Variants in CCDC150 observed in about 807,000 individuals in gnomAD.
CCDC150 encodes coiled-coil domain-containing protein 150.
A neutral mutation model predicts 156.5 loss-of-function variants in CCDC150; 151 were observed. That is an observed-to-expected ratio of 0.97 (90% CI 0.85 to 1.10). The LOEUF (loss-of-function observed/expected upper bound fraction) is 1.10. Ranked by LOEUF, CCDC150 falls within the 50% of genes least tolerant of loss-of-function variation. CCDC150 has a pLI of 0.00. For missense variants in CCDC150, 1,312 were observed against 1,268.1 expected (o/e 1.03, Z -0.53); for synonymous variants, 452 against 429.4 (o/e 1.05, Z -0.65).
intron 17 of CCDC150, among the ~76,000 whole-genome samples, chr2:196,717,901 AAGC>A (rs1283375295): frequency 7.2e-6 from 1 of 138,828 alleles, no homozygotes; most frequent in Non-Finnish European, 1.6e-5. Context: ...AAAAAAAAAA[AAGC>A]AGGATGAAGG....
chr2:196,731,964 G>A, intron 26 of CCDC150, 69 bp from the exon 27 acceptor site: 2 of 1,482,334 alleles, frequency 1.3e-6, no homozygotes, highest in Non-Finnish European at 1.8e-6. Context: ...AAAAATCTCT[G>A]CAACTAATAC....
intron 2 of CCDC150, among the ~76,000 whole-genome samples, chr2:196,648,081 A>G (rs1293864947): frequency 2.0e-5 from 3 of 152,164 alleles, no homozygotes; most frequent in Non-Finnish European, 4.4e-5. Flanking sequence ...GCTATTGTGA[A>G]TAGTGCTACA....
Position 196,712,385 on chromosome 2 carries a change from CT to C in CCDC150, c.1803+140del, listed in dbSNP as rs1457256988. 7 of 584,680 alleles carry C rather than the reference CT, an allele frequency of 1.2e-5. No individual in the cohort carries two copies. In the East Asian group the frequency reaches 1.4e-4, roughly 12 times the overall value. The allele number at this position is 584,680 out of a possible 1,614,324, so 36.2% of individuals were successfully genotyped here. ...CTGTCACTTGACTCAGTTTAACAAA[CT>C]TTTTTTCAAGCACCTAGTACATACA... is the stretch of plus-strand genomic sequence containing the variant. On this transcript the variant is annotated intron_variant, in intron 16 of 27. Transcript: ENST00000389175.
At chr2:196,715,322 A>T (rs1468770325) in intron 17 of CCDC150, among the ~76,000 whole-genome samples, 1 of 152,164 alleles carries the variant, frequency 6.6e-6, no homozygotes, top group Non-Finnish European at 1.5e-5. Context: ...AGATATATAT[A>T]TATTATTAGG....
rs374873583 is a variant in CCDC150, at chr2:196,644,007, G to A, written c.13-2334G>A. On this transcript the variant is annotated intron_variant, in intron 1 of 27. Coordinates refer to ENST00000389175, the MANE Select transcript of CCDC150 (RefSeq NM_001080539.2). Reference sequence around the variant, plus strand: ...AGACACTGGTGATCCTTGGCTCTTCGTTTATATTTGAGAGTGAGCTGCTGC... The same window carrying A: ...AGACACTGGTGATCCTTGGCTCTTCATTTATATTTGAGAGTGAGCTGCTGC... 8.0e-4 allele frequency among the ~76,000 whole-genome samples: 122 copies of A among 152,216 alleles called. 1 individual carries two copies. The South Asian group carries it at 0.024, about 30-fold the overall frequency.
At chr2:196,692,784 G>A (rs989035424) in intron 13 of CCDC150, among the ~76,000 whole-genome samples, 12 of 152,176 alleles carry the variant, frequency 7.9e-5, no homozygotes, top group Non-Finnish European at 1.3e-4. Context: ...GCAATGAGAA[G>A]AATGTATATT....
At chr2:196,669,204 T>G (rs1360976698) in intron 7 of CCDC150, among the ~76,000 whole-genome samples, 1 of 152,160 alleles carries the variant, frequency 6.6e-6, no homozygotes, top group Non-Finnish European at 1.5e-5. Flanking sequence ...ATATCTACAT[T>G]TGGATGCCTT....
At chr2:196,707,742 T>A (rs1055355022) in intron 15 of CCDC150, among the ~76,000 whole-genome samples, 5 of 152,324 alleles carry the variant, frequency 3.3e-5, no homozygotes, top group Admixed American at 1.3e-4. Flanking sequence ...AGAACATCTT[T>A]ATTTCTGCCT....
intron 1 of CCDC150, among the ~76,000 whole-genome samples, chr2:196,644,157 C>G (rs537678356): frequency 7.2e-5 from 11 of 152,198 alleles, no homozygotes; most frequent in African/African-American, 2.6e-4. Flanking sequence ...AACTTCTGCC[C>G]AAAGTCTCTT....
intron 13 of CCDC150, among the ~76,000 whole-genome samples, chr2:196,679,882 C>T (rs562994472): frequency 2.6e-5 from 4 of 152,270 alleles, no homozygotes; most frequent in African/African-American, 9.6e-5. Context: ...AGCTTCTTTT[C>T]ATGCACTTAT....
intron 2 of CCDC150, among the ~76,000 whole-genome samples, chr2:196,648,987 A>AT (rs1692713872): frequency 6.6e-6 from 1 of 152,132 alleles, no homozygotes; most frequent in Admixed American, 6.5e-5. Context: ...ATTCTATTTC[A>AT]TTGGACAATG....
intron 14 of CCDC150, 69 bp downstream of exon 14, chr2:196,695,228 G>C (rs780586968): frequency 2.6e-6 from 2 of 764,842 alleles, no homozygotes; most frequent in Non-Finnish European, 4.4e-6. Flanking sequence ...AACAACCAGA[G>C]GTCAGGAGAT....
At chr2:196,724,683 A>G (rs1167221503) in intron 21 of CCDC150, among the ~76,000 whole-genome samples, 1 of 152,212 alleles carries the variant, frequency 6.6e-6, no homozygotes, top group Non-Finnish European at 1.5e-5. Context: ...TCCAAAACTT[A>G]TAGTCTTAAT....
At chr2:196,723,726 A>G (rs1406877765) in intron 21 of CCDC150, among the ~76,000 whole-genome samples, 1 of 152,200 alleles carries the variant, frequency 6.6e-6, no homozygotes, top group Non-Finnish European at 1.5e-5. Context: ...CAGATGCTGC[A>G]GAGTCAAAGA....
chr2:196,664,657 C>T (rs1207006270), intron 5 of CCDC150, among the ~76,000 whole-genome samples: 2 of 152,174 alleles, frequency 1.3e-5, no homozygotes, highest in Non-Finnish European at 2.9e-5. Flanking sequence ...ATCAACTTAC[C>T]TTTCAGCCCT....
chr2:196,710,294 G>A (rs1404671978), intron 15 of CCDC150, among the ~76,000 whole-genome samples: 3 of 152,258 alleles, frequency 2.0e-5, no homozygotes, highest in African/African-American at 7.2e-5. Flanking sequence ...GTGGGCATAG[G>A]ACCCGCCAAG....
chr2:196,641,522 T>G (rs1692230193), intron 1 of CCDC150, among the ~76,000 whole-genome samples: 1 of 152,208 alleles, frequency 6.6e-6, no homozygotes, highest in Admixed American at 6.5e-5. Context: ...ATCTGCCCTG[T>G]AGCCTCCATA....
chr2:196,701,874 T>C (rs1254154630), intron 15 of CCDC150, among the ~76,000 whole-genome samples: 1 of 152,164 alleles, frequency 6.6e-6, no homozygotes, highest in African/African-American at 2.4e-5. Context: ...GATGGGATGG[T>C]TGGTGTATGC....
At chr2:196,657,170 C>G in intron 4 of CCDC150, 34 bp downstream of exon 4, 7 of 1,594,336 alleles carry the variant, frequency 4.4e-6, no homozygotes, top group Non-Finnish European at 6.0e-6. Context: ...TATAAACACA[C>G]TGTTATGTGT....
Sources: allele counts gnomAD v4.1 joint callset (sites outside exome capture counted in the v4.1 genomes callset), GRCh38; gene constraint gnomAD v4.1.1; transcripts MANE v1.5; gene names NCBI Gene and HGNC (gene_info 2026-07-23, HGNC 2026-07-21).